FRS2: variants seen among roughly 807,000 people sequenced by gnomAD.
The protein encoded by FRS2 is FGFR signalling adaptor.
Under a neutral mutation model 43.9 loss-of-function variants are expected in FRS2, and 8 were observed. That is an observed-to-expected ratio of 0.18 (90% CI 0.11 to 0.33). The LOEUF (loss-of-function observed/expected upper bound fraction) is 0.33. FRS2 is among the 10% of genes least tolerant of loss of function. FRS2 has a pLI of 1.00. For missense variants in FRS2, 534 were observed against 627.6 expected, an observed-to-expected ratio of 0.85 and a Z score of 1.59; for synonymous variants, 219 against 220.3, an observed-to-expected ratio of 0.99 and a Z score of 0.05.
intron 6 of FRS2, 36 bp from the exon 7 acceptor site, chr12:69,571,240 T>A: frequency 6.9e-7 from 1 of 1,449,622 alleles, no homozygotes; most frequent in Admixed American, 2.2e-5. Flanking sequence ...TTTAAAGGTA[T>A]GTTAACTATT....
intron 1 of FRS2, among the ~76,000 whole-genome samples, chr12:69,507,364 G>A (rs1264914421): frequency 6.6e-6 from 1 of 152,116 alleles, no homozygotes; most frequent in Non-Finnish European, 1.5e-5. Context: ...ATATGGGTGT[G>A]CAATGTAAAT....
chr12:69,502,657 A>G (rs1873564377), intron 1 of FRS2, among the ~76,000 whole-genome samples: 1 of 152,172 alleles, frequency 6.6e-6, no homozygotes, highest in East Asian at 1.9e-4. Flanking sequence ...GTACGGATGG[A>G]GCTTTCATTA....
intron 4 of FRS2, among the ~76,000 whole-genome samples, chr12:69,566,645 G>A (rs530517513): frequency 1.3e-5 from 2 of 152,078 alleles, no homozygotes; most frequent in South Asian, 2.1e-4. Context: ...TGCCATGTAA[G>A]TTGGTATGCT....
At chr12:69,482,094 A>G (rs931254032) in intron 1 of FRS2, among the ~76,000 whole-genome samples, 2 of 151,660 alleles carry the variant, frequency 1.3e-5, no homozygotes, top group Admixed American at 6.6e-5. Flanking sequence ...ATAAGTATAT[A>G]TAATTGTATA....
intron 3 of FRS2, among the ~76,000 whole-genome samples, chr12:69,532,608 C>T (rs1876914189): frequency 6.6e-6 from 1 of 152,158 alleles, no homozygotes; most frequent in Non-Finnish European, 1.5e-5. Flanking sequence ...TACCTAGTCA[C>T]CTCCTAAAGG....
chr12:69,498,810 T>C (rs144707148), intron 1 of FRS2, among the ~76,000 whole-genome samples: 99 of 152,162 alleles, frequency 6.5e-4, no homozygotes, highest in African/African-American at 2.2e-3. Context: ...TCAGGTGTAT[T>C]TGTGGTAGTG....
chr12:69,485,168 TTTAC>T (rs1286181528), intron 1 of FRS2, among the ~76,000 whole-genome samples: 4 of 101,802 alleles, frequency 3.9e-5, no homozygotes, highest in African/African-American at 1.9e-4. Context: ...AAAACAGAAG[TTTAC>T]TTATTTATTT....
Position 69,470,494 on chromosome 12 carries a change from A to G in FRS2, c.-297A>G. 1 of 398,558 alleles carries G rather than the reference A, an allele frequency of 2.5e-6. No homozygotes were observed. Among genetic ancestry groups the G allele is most frequent in the Non-Finnish European group, 4.4e-6 (1 of 226,102 alleles). The allele number at this position is 398,558 out of a possible 1,614,324, so 24.7% of individuals were successfully genotyped here. A position where few individuals can be genotyped will look rare whatever the true frequency, so the allele number is the denominator to read the frequency against. On this transcript the variant is annotated 5_prime_UTR_variant, in exon 1 of 9. Transcript: ENST00000549921. ...GGAGTCTGGGGGTTCGCGCCCGCCG[A>G]CCCGCGCCCTGCTCCCTCTCAGCAC...
At chr12:69,525,894 T>C (rs779118616) in intron 1 of FRS2, among the ~76,000 whole-genome samples, 4 of 152,160 alleles carry the variant, frequency 2.6e-5, no homozygotes, top group African/African-American at 4.8e-5. Flanking sequence ...TTGCTCTTGT[T>C]GCCCAGGCTA....
At chr12:69,546,744 G>C (rs755295056) in intron 3 of FRS2, among the ~76,000 whole-genome samples, 3 of 152,138 alleles carry the variant, frequency 2.0e-5, no homozygotes, top group Non-Finnish European at 4.4e-5. Context: ...TGGTGAGGAC[G>C]TGGAAAAATT....
intron 1 of FRS2, among the ~76,000 whole-genome samples, chr12:69,498,932 A>G (rs373034930): frequency 1.5e-4 from 23 of 152,354 alleles, no homozygotes; most frequent in East Asian, 7.7e-4. Context: ...CTTGATGTTT[A>G]TAACAACTTT....
In FRS2 at chr12:69,558,886, G is replaced by A. The variant is rs1879653769; in HGVS notation, c.-121-3294G>A. 2.6e-5 allele frequency among the ~76,000 whole-genome samples: 4 copies of A among 152,352 alleles called. No homozygotes were observed. The South Asian group carries it at 8.3e-4, about 32-fold the overall frequency. ...AAAATACGTGGTAGAATGCCTCAGTGTATGGATAGGGAAATGAATTAATTC... is the reference window on the plus strand; with the variant it reads ...AAAATACGTGGTAGAATGCCTCAGTATATGGATAGGGAAATGAATTAATTC... On this transcript the variant is annotated intron_variant, in intron 3 of 8. Coordinates refer to ENST00000549921, the MANE Select transcript of FRS2 (RefSeq NM_001278356.2).
chr12:69,479,298 A>G (rs1871141291), intron 1 of FRS2, among the ~76,000 whole-genome samples: 1 of 151,278 alleles, frequency 6.6e-6, no homozygotes, highest in Non-Finnish European at 1.5e-5. Context: ...TTCTTTGTTC[A>G]TTATAGATTT....
chr12:69,551,263 G>A (rs1402230494), intron 3 of FRS2, among the ~76,000 whole-genome samples: 1 of 152,136 alleles, frequency 6.6e-6, no homozygotes. Flanking sequence ...TGATTCGGGA[G>A]GATCACTTGA....
At chr12:69,571,720 C>T (rs574180611) in intron 7 of FRS2, among the ~76,000 whole-genome samples, 10 of 152,100 alleles carry the variant, frequency 6.6e-5, no homozygotes, top group African/African-American at 2.4e-4. Flanking sequence ...AAAAATTAGC[C>T]GGGCGTGGTG....
At chr12:69,488,864 G>A (rs1229672535) in intron 1 of FRS2, among the ~76,000 whole-genome samples, 1 of 152,164 alleles carries the variant, frequency 6.6e-6, no homozygotes, top group East Asian at 1.9e-4. Flanking sequence ...TAAGCATTAA[G>A]TGCAGAAGGG....
Position 69,574,375 on chromosome 12 carries a change from G to C in FRS2, c.947G>C (p.Ser316Thr). The change falls in exon 9 of 9, where the codon AGT becomes ACT. Residue 316 changes from serine (S) to threonine (T), a missense_variant. Ser to Thr is a moderately conservative substitution (Grantham distance 58, BLOSUM62 1). Around this residue, in one of 3 missense-constraint regions of FRS2, gnomAD observed 446 missense variants for 494.2 expected, o/e 0.90. Coordinates refer to ENST00000549921, the MANE Select transcript of FRS2 (RefSeq NM_001278356.2). The stretch of plus-strand genomic sequence containing the variant: ...AATATAAATGGGCTATCTATCCCTA[G>C]TGCCTCAGGGGTCAGGAGAGGTCGT... Reference protein sequence around the residue: ...YENINGLSIPSASGVRRGRLT... With the variant: ...YENINGLSIPTASGVRRGRLT... 6.2e-7 allele frequency: 1 copy of C among 1,613,150 alleles called. No individual in the cohort carries two copies. Among genetic ancestry groups the C allele is most frequent in the Non-Finnish European group, 8.5e-7 (1 of 1,179,126 alleles).
intron 3 of FRS2, among the ~76,000 whole-genome samples, chr12:69,558,197 G>T (rs1879594486): frequency 6.6e-6 from 1 of 152,216 alleles, no homozygotes; most frequent in Admixed American, 6.5e-5. Flanking sequence ...TGCAAGTCCA[G>T]TTGCTGTCGG....
intron 1 of FRS2, among the ~76,000 whole-genome samples, chr12:69,488,374 A>G (rs1159257917): frequency 6.6e-6 from 1 of 152,232 alleles, no homozygotes; most frequent in Non-Finnish European, 1.5e-5. Context: ...TAGCAAAAAG[A>G]TGACCACTTG....
Sources: gnomAD v4.1 joint callset for allele counts (sites outside exome capture counted in the v4.1 genomes callset) on GRCh38, gnomAD v4.1.1 for gene constraint, gnomAD v4.1.1 regional missense constraint, MANE v1.5 for transcripts, NCBI Gene and HGNC (gene_info 2026-07-23, HGNC 2026-07-21) for gene names.